The following TNIK variants were observed in gnomAD, a reference collection of about 807,000 sequenced individuals.
The protein encoded by TNIK is TRAF2 and NCK interacting kinase.
Under a neutral mutation model 191.3 loss-of-function variants are expected in TNIK, and 49 were observed. The ratio of observed to expected loss-of-function variants is 0.26; its 90% CI spans 0.20 to 0.32. The LOEUF (loss-of-function observed/expected upper bound fraction) is 0.32. TNIK is among the 10% of genes least tolerant of loss of function. TNIK has a pLI of 1.00. For synonymous variants in TNIK, 594 were observed against 600.9 expected, an observed-to-expected ratio of 0.99 and a Z score of 0.17; for missense variants, 1,155 against 1,702.3, an observed-to-expected ratio of 0.68 and a Z score of 5.66.
chr3:171,074,681 T>G (rs2108336448), intron 28 of TNIK, among the ~76,000 whole-genome samples: 1 of 152,332 alleles, frequency 6.6e-6, no homozygotes, highest in African/African-American at 2.4e-5. Flanking sequence ...AAATGACTCT[T>G]GGATATACAA....
At chr3:171,228,875 G>A (rs1743276592) in intron 2 of TNIK, among the ~76,000 whole-genome samples, 1 of 152,200 alleles carries the variant, frequency 6.6e-6, no homozygotes, top group African/African-American at 2.4e-5. Context: ...ACTCTCAGAA[G>A]AGAATTATTT....
intron 7 of TNIK, among the ~76,000 whole-genome samples, chr3:171,182,328 T>C (rs1736773051): frequency 6.6e-6 from 1 of 152,066 alleles, no homozygotes; most frequent in Admixed American, 6.6e-5. Context: ...TGTTTAGCCG[T>C]TGGATACATT....
At chr3:171,075,152 C>T (rs1719730523) in intron 28 of TNIK, among the ~76,000 whole-genome samples, 2 of 152,198 alleles carry the variant, frequency 1.3e-5, no homozygotes, top group South Asian at 4.1e-4. Context: ...AATTTTATTG[C>T]TCTGTAATCA....
chr3:171,449,171 G>T (rs55923799), intron 1 of TNIK, among the ~76,000 whole-genome samples: 2,494 of 151,986 alleles, frequency 0.016, 32 homozygotes, highest in South Asian at 0.036. Context: ...ATTTGGGTTG[G>T]TTCCAAGTCT....
intron 3 of TNIK, among the ~76,000 whole-genome samples, chr3:171,227,105 C>T (rs957120944): frequency 2.0e-5 from 3 of 152,126 alleles, no homozygotes; most frequent in Non-Finnish European, 4.4e-5. Flanking sequence ...CCCAGGACAA[C>T]AGAAAATTAT....
At chr3:171,095,190 C>A (rs1232702411) in intron 22 of TNIK, among the ~76,000 whole-genome samples, 1 of 152,190 alleles carries the variant, frequency 6.6e-6, no homozygotes, top group African/African-American at 2.4e-5. Context: ...TCCTTGAGAA[C>A]ACAGACTGAT....
intron 23 of TNIK, among the ~76,000 whole-genome samples, chr3:171,092,472 C>T (rs1168683600): frequency 3.3e-5 from 5 of 152,172 alleles, no homozygotes; most frequent in Admixed American, 3.3e-4. Context: ...AGAACGTTCT[C>T]CCTCATGTTT....
At chr3:171,123,475 T>G in intron 18 of TNIK, 121 bp downstream of exon 18, 1 of 702,748 alleles carries the variant, frequency 1.4e-6, no homozygotes, top group Non-Finnish European at 2.3e-6. Context: ...ACGTTTATAG[T>G]GCACATGGAA....
chr3:171,299,477 A>G (rs1410193633), intron 2 of TNIK, among the ~76,000 whole-genome samples: 1 of 152,166 alleles, frequency 6.6e-6, no homozygotes, highest in Non-Finnish European at 1.5e-5. Context: ...TAGCTGCCCT[A>G]TCAGTGACCA....
chr3:171,327,380 G>GAGCT lies in TNIK; in HGVS notation c.123+42236_123+42239dup, dbSNP rs569678140. On this transcript the variant is annotated intron_variant, in intron 2 of 32. Transcript: ENST00000436636. ...TCTCTTGCCTCCTGAGCACACAGGA[G>GAGCT]AGCTACCTTTCCCGGTCCCCTCATG... Among the ~76,000 whole-genome samples the GAGCT allele has an allele frequency of 3.9e-4, 60 of 152,356 alleles. 1 individual carries two copies. The highest frequency in any genetic ancestry group is 1.4e-3 in the African/African-American group (59 of 41,588).
chr3:171,259,068 C>T (rs1317855564), intron 2 of TNIK, among the ~76,000 whole-genome samples: 1 of 151,936 alleles, frequency 6.6e-6, no homozygotes, highest in African/African-American at 2.4e-5. Flanking sequence ...AGCTTACATC[C>T]CACAAAGTCA....
At chr3:171,383,681 C>G (rs73046900) in intron 1 of TNIK, among the ~76,000 whole-genome samples, 2,360 of 152,250 alleles carry the variant, frequency 0.016, 73 homozygotes, top group African/African-American at 0.053. Context: ...AGTAATATGT[C>G]CTATATTGCC....
intron 18 of TNIK, among the ~76,000 whole-genome samples, chr3:171,118,186 C>A (rs1727066231): frequency 6.6e-6 from 1 of 152,090 alleles, no homozygotes; most frequent in Non-Finnish European, 1.5e-5. Context: ...CTCCCATTCA[C>A]AATTGCTTCA....
chr3:171,318,474 C>A (rs1230960471), intron 2 of TNIK, among the ~76,000 whole-genome samples: 4 of 152,088 alleles, frequency 2.6e-5, no homozygotes, highest in African/African-American at 9.7e-5. Flanking sequence ...AGCAAAATTT[C>A]TTAAGTTAAT....
At chr3:171,434,746 C>T (rs1725820459) in intron 1 of TNIK, among the ~76,000 whole-genome samples, 1 of 152,230 alleles carries the variant, frequency 6.6e-6, no homozygotes, top group African/African-American at 2.4e-5. Flanking sequence ...AGACATGAGC[C>T]ACTGTGCCTG....
chr3:171,382,850 C>A (rs1718221969), intron 1 of TNIK, among the ~76,000 whole-genome samples: 1 of 152,112 alleles, frequency 6.6e-6, no homozygotes, highest in African/African-American at 2.4e-5. Flanking sequence ...CATATCCTAT[C>A]CTACTCTACT....
intron 19 of TNIK, 115 bp downstream of exon 19, chr3:171,110,599 G>T: frequency 7.4e-7 from 1 of 1,348,626 alleles, no homozygotes. Flanking sequence ...GGCTCTTCAG[G>T]ATCACACAGT....
chr3:171,328,840 T>C (rs1027547868), intron 2 of TNIK, among the ~76,000 whole-genome samples: 2 of 152,142 alleles, frequency 1.3e-5, no homozygotes, highest in African/African-American at 4.8e-5. Flanking sequence ...GACAAAGGCA[T>C]TCAAATGACA....
chr3:171,266,312 CTAAGGAGA>C (rs1323857116), intron 2 of TNIK, among the ~76,000 whole-genome samples: 1 of 152,080 alleles, frequency 6.6e-6, no homozygotes, highest in Non-Finnish European at 1.5e-5. Context: ...GAGGTAACTG[CTAAGGAGA>C]TAAAGGATTC....
Sources: gnomAD v4.1 joint callset for allele counts (sites outside exome capture counted in the v4.1 genomes callset) on GRCh38, gnomAD v4.1.1 for gene constraint, MANE v1.5 for transcripts, NCBI Gene and HGNC (gene_info 2026-07-23, HGNC 2026-07-21) for gene names.